KCNN2: variants seen among roughly 807,000 people sequenced by gnomAD.
KCNN2 encodes potassium calcium-activated channel subfamily N member 2.
In KCNN2, 24 loss-of-function variants were observed where a neutral mutation model predicts 55.5. That is an observed-to-expected ratio of 0.43 (90% confidence interval 0.31 to 0.61). The LOEUF is 0.61. Among genes scored for constraint, KCNN2 ranks in the 20% least tolerant of loss-of-function variants. The pLI is 0.08. For missense variants in KCNN2, 754 were observed against 853.6 expected (o/e 0.88, Z 1.45); for synonymous variants, 431 against 336.1 (o/e 1.28, Z -3.09).
intron 2 of KCNN2, among the ~76,000 whole-genome samples, chr5:114,232,893 ATTTTCAGAGGTAAT>A (rs1250861113): frequency 8.2e-6 from 1 of 121,606 alleles, no homozygotes; most frequent in Non-Finnish European, 1.8e-5. Context: ...CTTATTACTG[ATTTTCAGAGGTAAT>A]TTTTTATATT....
intron 1 of KCNN2, among the ~76,000 whole-genome samples, chr5:114,152,814 A>G (rs1048833849): frequency 6.6e-6 from 1 of 152,106 alleles, no homozygotes; most frequent in African/African-American, 2.4e-5. Flanking sequence ...CCAGCATGTA[A>G]AAAGGCATAT....
intron 2 of KCNN2, among the ~76,000 whole-genome samples, chr5:114,329,741 G>A (rs1166288420): frequency 2.6e-5 from 4 of 151,962 alleles, no homozygotes; most frequent in Admixed American, 6.6e-5. Context: ...TTTTAGTTCC[G>A]TCCCTTTGGA....
Position 114,144,198 on chromosome 5 carries a change from G to A in KCNN2, c.-270-77282G>A, listed in dbSNP as rs1466357332. Among the ~76,000 whole-genome samples, 5 of 152,100 alleles carry A rather than the reference G, an allele frequency of 3.3e-5. No homozygotes were observed. In the East Asian group the frequency reaches 5.8e-4, roughly 18 times the overall value. Reference sequence around the variant, plus strand: ...GTGAACAGACTCATTATGTTGAAACGGAGTTATACAAAAATCAGAAGTATT... The same window carrying A: ...GTGAACAGACTCATTATGTTGAAACAGAGTTATACAAAAATCAGAAGTATT... On this transcript the variant is annotated intron_variant, in intron 1 of 10. Coordinates refer to the KCNN2 transcript ENST00000512097.
intron 3 of KCNN2, among the ~76,000 whole-genome samples, chr5:114,430,457 T>TG (rs1271784354): frequency 2.0e-5 from 3 of 152,106 alleles, no homozygotes; most frequent in Non-Finnish European, 2.9e-5. Flanking sequence ...ATATTATCTT[T>TG]GTATCCTGCA....
rs140065232 is a variant in KCNN2 at position 114,081,555 on chromosome 5, C to T, written c.-271+25055C>T. Reference sequence around the variant, plus strand: ...AGAAAGTGCTTTCAGCAAAAGATGCCGGAAAAGTTGTATATCCATATGCAA... The same window carrying T: ...AGAAAGTGCTTTCAGCAAAAGATGCTGGAAAAGTTGTATATCCATATGCAA... On this transcript the variant is annotated intron_variant, in intron 1 of 10. Coordinates refer to the KCNN2 transcript ENST00000512097. Among the ~76,000 whole-genome samples, 461 of 152,212 alleles carry T rather than the reference C, an allele frequency of 3.0e-3. 8 individuals are homozygous for T. Among genetic ancestry groups the T allele is most frequent in the Admixed American group, 0.026 (403 of 15,276 alleles).
chr5:114,205,003 C>T (rs1316776294), intron 1 of KCNN2, among the ~76,000 whole-genome samples: 1 of 152,130 alleles, frequency 6.6e-6, no homozygotes, highest in Non-Finnish European at 1.5e-5. Context: ...AGCATCTATT[C>T]AGCCAGCTGA....
At chr5:114,224,807 T>C (rs1042039563) in intron 2 of KCNN2, among the ~76,000 whole-genome samples, 3 of 152,108 alleles carry the variant, frequency 2.0e-5, no homozygotes, top group Non-Finnish European at 4.4e-5. Flanking sequence ...AGTGTAGGCT[T>C]TGAGTCCTGA....
chr5:114,269,409 A>G (rs1391857376), intron 2 of KCNN2, among the ~76,000 whole-genome samples: 1 of 151,946 alleles, frequency 6.6e-6, no homozygotes, highest in Non-Finnish European at 1.5e-5. Flanking sequence ...AAATGAACAT[A>G]GGTAAAGGGG....
At chr5:114,443,161 C>T (rs138698467) in intron 3 of KCNN2, among the ~76,000 whole-genome samples, 3,371 of 151,858 alleles carry the variant, frequency 0.022, 64 homozygotes, top group Non-Finnish European at 0.035. Context: ...CGTGGTGGCG[C>T]GTGCCTGTAA....
chr5:114,346,769 C>CAAAAA (rs138308313), intron 2 of KCNN2, among the ~76,000 whole-genome samples: 2 of 136,088 alleles, frequency 1.5e-5, no homozygotes, highest in African/African-American at 2.7e-5. Context: ...ATTCATTCTC[C>CAAAAA]AAAAAAAAAA....
At chr5:114,455,601 A>G (rs547684049) in intron 3 of KCNN2, among the ~76,000 whole-genome samples, 2 of 152,344 alleles carry the variant, frequency 1.3e-5, no homozygotes, top group African/African-American at 4.8e-5. Context: ...AAAACTAGAC[A>G]TGATTAAGCT....
At chr5:114,358,963 A>C (rs866609290), upstream of KCNN2, among the ~76,000 whole-genome samples, 1 of 152,234 alleles carries the variant, frequency 6.6e-6, no homozygotes. Context: ...GCCTTAAATA[A>C]TGAAGTTATG....
intron 3 of KCNN2, among the ~76,000 whole-genome samples, chr5:114,448,320 T>C (rs968543723): frequency 1.3e-5 from 2 of 152,178 alleles, no homozygotes; most frequent in African/African-American, 4.8e-5. Context: ...GAAGCCTTTA[T>C]GGAGTAGGGG....
chr5:114,398,675 C>T (rs539154666), intron 2 of KCNN2, among the ~76,000 whole-genome samples: 4 of 152,110 alleles, frequency 2.6e-5, no homozygotes, highest in Admixed American at 6.5e-5. Flanking sequence ...TCTTGCTATC[C>T]GTGGAATGCT....
chr5:114,233,110 C>T (rs1278953722), intron 2 of KCNN2, among the ~76,000 whole-genome samples: 2 of 147,014 alleles, frequency 1.4e-5, no homozygotes, highest in East Asian at 2.0e-4. Flanking sequence ...TTAGTAGAGA[C>T]GGGGTTTCAC....
At chr5:114,456,371 T>C (rs559222299) in intron 3 of KCNN2, among the ~76,000 whole-genome samples, 1 of 152,318 alleles carries the variant, frequency 6.6e-6, no homozygotes, top group East Asian at 1.9e-4. Context: ...TTTAAGCCAC[T>C]TTTGAGTTCT....
In KCNN2 at chr5:114,144,502, A is replaced by G. The variant is rs1027674173; in HGVS notation, c.-270-76978A>G. On this transcript the variant is annotated intron_variant, in intron 1 of 10. Transcript: ENST00000512097. ...AAATAAATAGTTTACTCCTTTTAAG[A>G]ATTTTTTGTAGAATATTGTTAATAA... Among the ~76,000 whole-genome samples, 20 of 152,130 alleles carry G rather than the reference A, an allele frequency of 1.3e-4. 1 individual carries two copies. Among genetic ancestry groups the G allele is most frequent in the Non-Finnish European group, 1.5e-5 (1 of 68,014 alleles).
At chr5:114,486,839 T>C (rs1040796067) in intron 5 of KCNN2, 30 of 1,189,486 alleles carry the variant, frequency 2.5e-5, no homozygotes, top group Non-Finnish European at 3.4e-5. Flanking sequence ...AAAGTGGTAG[T>C]ATCTCCCTAT....
intron 2 of KCNN2, among the ~76,000 whole-genome samples, chr5:114,338,398 C>A (rs774345010): frequency 2.0e-5 from 3 of 152,196 alleles, no homozygotes; most frequent in Non-Finnish European, 4.4e-5. Context: ...TATTTGGGGG[C>A]AAGCTTGTGT....
Sources: gnomAD v4.1 joint callset for allele counts (sites outside exome capture counted in the v4.1 genomes callset) on GRCh38, gnomAD v4.1.1 for gene constraint, MANE v1.5 for transcripts, NCBI Gene and HGNC (gene_info 2026-07-23, HGNC 2026-07-21) for gene names.